The following LRMDA variants were observed in gnomAD, a reference collection of about 807,000 sequenced individuals.
The protein encoded by LRMDA is leucine-rich melanocyte differentiation-associated protein.
LRMDA carries 18 observed loss-of-function variants against 29.8 expected under a neutral mutation model. The observed-to-expected ratio is 0.60, with a 90% confidence interval of 0.42 to 0.90. LRMDA has a LOEUF of 0.90. Among genes scored for constraint, LRMDA ranks in the 40% least tolerant of loss-of-function variants. The pLI is 0.00. For missense variants in LRMDA, 273 were observed against 273.9 expected (o/e 1.00, Z 0.02); for synonymous variants, 125 against 109.4 (o/e 1.14, Z -0.89).
Position 76,527,018 on chromosome 10 carries a change from AAAT to A in LRMDA, c.602-30188_602-30186del, listed in dbSNP as rs1210164929. Among the ~76,000 whole-genome samples the A allele has an allele frequency of 1.4e-4, 21 of 146,600 alleles. No individual in the cohort carries two copies. The South Asian group carries it at 2.1e-3, about 15-fold the overall frequency. On this transcript the variant is annotated intron_variant, in intron 6 of 6. Transcript: ENST00000611255. ...TAAATAAATAAATAAATAAATAAAT[AAAT>A]AAAAATGCCCTAAATTATCAGGTCT...
chr10:76,183,592 G>T (rs1393322039), intron 5 of LRMDA, among the ~76,000 whole-genome samples: 1 of 152,202 alleles, frequency 6.6e-6, no homozygotes, highest in African/African-American at 2.4e-5. Flanking sequence ...GGTGAGACAG[G>T]CCAGATTTAT....
At chr10:76,274,786 C>T (rs971066933) in intron 5 of LRMDA, among the ~76,000 whole-genome samples, 8 of 152,078 alleles carry the variant, frequency 5.3e-5, no homozygotes, top group African/African-American at 1.9e-4. Flanking sequence ...TCATATATGT[C>T]AATTTTACAC....
At chr10:75,918,179 A>G (rs1300125421) in intron 2 of LRMDA, among the ~76,000 whole-genome samples, 1 of 152,210 alleles carries the variant, frequency 6.6e-6, no homozygotes, top group Non-Finnish European at 1.5e-5. Flanking sequence ...GCAAGTAGAA[A>G]ATCTGGGATT....
At chr10:76,313,694 T>C (rs577562580) in intron 5 of LRMDA, among the ~76,000 whole-genome samples, 11 of 152,362 alleles carry the variant, frequency 7.2e-5, no homozygotes, top group African/African-American at 2.6e-4. Flanking sequence ...TGTGTGTGTA[T>C]ACACATGCAT....
intron 2 of LRMDA, among the ~76,000 whole-genome samples, chr10:75,723,790 T>C (rs1459128634): frequency 3.3e-5 from 5 of 152,126 alleles, no homozygotes; most frequent in African/African-American, 1.2e-4. Flanking sequence ...AGTGGAAAAT[T>C]TGATAGTTGT....
At chr10:75,839,130 G>A (rs1844491328) in intron 2 of LRMDA, among the ~76,000 whole-genome samples, 1 of 152,248 alleles carries the variant, frequency 6.6e-6, no homozygotes, top group Non-Finnish European at 1.5e-5. Context: ...AAGTGTAGCA[G>A]AAAGAGCGAA....
intron 6 of LRMDA, among the ~76,000 whole-genome samples, chr10:76,411,809 T>G (rs1841964255): frequency 6.6e-6 from 1 of 152,228 alleles, no homozygotes. Flanking sequence ...GGCCTCCCTG[T>G]GCTCTTTTGG....
In LRMDA at chr10:76,535,580, A is replaced by G. The variant is rs959358845; in HGVS notation, c.602-21629A>G. On this transcript the variant is annotated intron_variant, in intron 6 of 6. Coordinates refer to ENST00000611255, the MANE Select transcript of LRMDA (RefSeq NM_001305581.2). ...GTCAGTTATCTCCAATTAAAAGTTC[A>G]TATGCCAAGAAAAACAAGCCTCTTC... Among the ~76,000 whole-genome samples, 4 of 152,290 alleles carry G rather than the reference A, an allele frequency of 2.6e-5. No individual in the cohort carries two copies. In the South Asian group the frequency reaches 8.3e-4, roughly 32 times the overall value.
chr10:76,234,798 A>G (rs936441806), intron 5 of LRMDA, among the ~76,000 whole-genome samples: 7 of 152,154 alleles, frequency 4.6e-5, no homozygotes, highest in Admixed American at 4.6e-4. Context: ...AAATGAGGAG[A>G]GTTAAGGCCT....
chr10:75,645,307 TTG>T (rs1841504611), intron 2 of LRMDA, among the ~76,000 whole-genome samples: 2 of 152,326 alleles, frequency 1.3e-5, no homozygotes, highest in South Asian at 4.1e-4. Flanking sequence ...TAAAGATAAA[TTG>T]TGAACTGTAG....
chr10:76,320,648 C>T (rs1224684467), intron 5 of LRMDA, among the ~76,000 whole-genome samples: 1 of 152,090 alleles, frequency 6.6e-6, no homozygotes, highest in Non-Finnish European at 1.5e-5. Context: ...CTGAGAAATT[C>T]CAAAATGTAG....
intron 2 of LRMDA, among the ~76,000 whole-genome samples, chr10:75,783,897 T>A (rs1843427157): frequency 6.6e-6 from 1 of 152,196 alleles, no homozygotes; most frequent in Non-Finnish European, 1.5e-5. Flanking sequence ...AAATAATACA[T>A]TGCCTGGTTT....
intron 6 of LRMDA, among the ~76,000 whole-genome samples, chr10:76,537,570 C>T (rs985865957): frequency 1.3e-5 from 2 of 152,206 alleles, no homozygotes; most frequent in African/African-American, 4.8e-5. Flanking sequence ...TTGCTCCTGG[C>T]CCCTTCCTCC....
intron 2 of LRMDA, among the ~76,000 whole-genome samples, chr10:76,007,933 C>T (rs1380058286): frequency 6.6e-6 from 1 of 152,190 alleles, no homozygotes; most frequent in Admixed American, 6.5e-5. Context: ...CCTTGTTCTG[C>T]TTATGGCAGC....
chr10:76,289,808 A>G (rs2132345733), intron 5 of LRMDA, among the ~76,000 whole-genome samples: 1 of 152,168 alleles, frequency 6.6e-6, no homozygotes, highest in African/African-American at 2.4e-5. Context: ...ATCCTTTTCG[A>G]GCATCTGATG....
intron 5 of LRMDA, among the ~76,000 whole-genome samples, chr10:76,259,926 G>C (rs987060351): frequency 6.6e-6 from 1 of 151,662 alleles, no homozygotes; most frequent in African/African-American, 2.4e-5. Flanking sequence ...TCTTTGTGTG[G>C]GATATCTTTT....
chr10:76,407,307 AAAT>A (rs941827220), intron 6 of LRMDA, among the ~76,000 whole-genome samples: 1 of 152,332 alleles, frequency 6.6e-6, no homozygotes, highest in African/African-American at 2.4e-5. Context: ...ATTTGCTTTT[AAAT>A]AATAATAACA....
At chr10:76,122,398 G>C (rs1302756264) in intron 5 of LRMDA, among the ~76,000 whole-genome samples, 1 of 152,016 alleles carries the variant, frequency 6.6e-6, no homozygotes, top group Non-Finnish European at 1.5e-5. Flanking sequence ...GGTCTTTTAA[G>C]ACTTTGGAAC....
intron 2 of LRMDA, among the ~76,000 whole-genome samples, chr10:75,910,579 A>G (rs1338860229): frequency 6.6e-6 from 1 of 152,188 alleles, no homozygotes; most frequent in Non-Finnish European, 1.5e-5. Context: ...ACTCTATGTA[A>G]TGTAAAGGCT....
Sources: allele counts gnomAD v4.1 joint callset (sites outside exome capture counted in the v4.1 genomes callset), GRCh38; gene constraint gnomAD v4.1.1; transcripts MANE v1.5; gene names NCBI Gene and HGNC (gene_info 2026-07-23, HGNC 2026-07-21).